Variants in ADAMTSL3 observed in about 807,000 individuals in gnomAD.
The protein encoded by ADAMTSL3 is ADAMTS-like protein 3.
Under a neutral mutation model 201.7 loss-of-function variants are expected in ADAMTSL3, and 128 were observed. The ratio of observed to expected loss-of-function variants is 0.63; its 90% confidence interval spans 0.55 to 0.73. ADAMTSL3 has a LOEUF of 0.73. ADAMTSL3 is among the 30% of genes least tolerant of loss of function. ADAMTSL3 has a pLI of 0.00. For synonymous variants in ADAMTSL3, 738 were observed against 748.4 expected (o/e 0.99, Z 0.23); for missense variants, 1,990 against 2,119.6 (o/e 0.94, Z 1.20).
intron 9 of ADAMTSL3, 96 bp downstream of exon 9, chr15:83,871,055 T>A: frequency 7.2e-7 from 1 of 1,385,400 alleles, no homozygotes; most frequent in Non-Finnish European, 9.9e-7. Context: ...TCATCAATCA[T>A]TGTTTTTTAT....
chr15:83,689,975 A>T (rs902152915), intron 2 of ADAMTSL3, among the ~76,000 whole-genome samples: 1 of 152,154 alleles, frequency 6.6e-6, no homozygotes, highest in Non-Finnish European at 1.5e-5. Context: ...TGGTTAAAGG[A>T]CTATTGAGAT....
chr15:83,974,851 T>A (rs953800940), intron 20 of ADAMTSL3, among the ~76,000 whole-genome samples: 1 of 152,086 alleles, frequency 6.6e-6, no homozygotes, highest in Non-Finnish European at 1.5e-5. Context: ...GAGATCAGGA[T>A]GGATTAGGGA....
chr15:83,704,384 TTC>T lies in ADAMTSL3; in HGVS notation c.70-4_70-3del. On this transcript the variant is annotated splice_polypyrimidine_tract_variant and splice_region_variant and intron_variant, in intron 2 of 29. Transcript: ENST00000286744. ...TATTTGTGACCAAATGATCTTGTTTTTCAGACCACAGCTGAGAAATCTCCTGG... is the reference window on the plus strand; with the variant it reads ...TATTTGTGACCAAATGATCTTGTTTTAGACCACAGCTGAGAAATCTCCTGG... 5.0e-6 allele frequency: 8 copies of T among 1,614,170 alleles called. No homozygotes were observed. The highest frequency in any genetic ancestry group is 6.8e-6 in the Non-Finnish European group (8 of 1,180,014).
At chr15:83,732,686 T>G (rs996253288) in intron 3 of ADAMTSL3, among the ~76,000 whole-genome samples, 7 of 152,178 alleles carry the variant, frequency 4.6e-5, no homozygotes. Flanking sequence ...ACCATTATTT[T>G]TATTCTGTTA....
At chr15:83,916,810 T>C (rs1337010057) in intron 16 of ADAMTSL3, among the ~76,000 whole-genome samples, 1 of 151,048 alleles carries the variant, frequency 6.6e-6, no homozygotes, top group East Asian at 1.9e-4. Context: ...GGCTGGAAAT[T>C]GGGTACCTGC....
At chr15:83,733,447 A>G (rs2062315478) in intron 3 of ADAMTSL3, among the ~76,000 whole-genome samples, 1 of 152,114 alleles carries the variant, frequency 6.6e-6, no homozygotes, top group African/African-American at 2.4e-5. Flanking sequence ...TGTGAGTCAC[A>G]GCTTCTCAAT....
intron 9 of ADAMTSL3, among the ~76,000 whole-genome samples, chr15:83,872,044 A>G (rs927606107): frequency 6.6e-6 from 1 of 152,226 alleles, no homozygotes; most frequent in African/African-American, 2.4e-5. Context: ...AATCCCTGAG[A>G]TACAAATTCA....
Position 83,982,467 on chromosome 15 carries a change from GAGA to G in ADAMTSL3, c.2842_2844del (p.Lys948del), listed in dbSNP as rs938965636. 6.2e-7 allele frequency: 1 copy of G among 1,614,056 alleles called. No homozygotes were observed. Among genetic ancestry groups the G allele is most frequent in the African/African-American group, 1.3e-5 (1 of 74,908 alleles). The stretch of plus-strand genomic sequence containing the variant: ...ATTCCAGAAATCTCTGATCCAGTGG[GAGA>G]AGGATGGCCGTTGCCTGCAGAACTC... On this transcript the variant is annotated inframe_deletion, in exon 21 of 30. Coordinates refer to ENST00000286744, the MANE Select transcript of ADAMTSL3 (RefSeq NM_207517.3).
At chr15:83,789,084 T>C (rs2063306564) in intron 4 of ADAMTSL3, among the ~76,000 whole-genome samples, 1 of 152,234 alleles carries the variant, frequency 6.6e-6, no homozygotes, top group African/African-American at 2.4e-5. Flanking sequence ...GTGTTGGGAT[T>C]ACAGGCATGA....
At chr15:83,868,617 A>C (rs1461589432) in intron 8 of ADAMTSL3, among the ~76,000 whole-genome samples, 1 of 152,188 alleles carries the variant, frequency 6.6e-6, no homozygotes, top group Non-Finnish European at 1.5e-5. Context: ...AATTGAGGTC[A>C]AAACACCTGC....
At chr15:83,809,712 G>A (rs1309080961) in intron 5 of ADAMTSL3, among the ~76,000 whole-genome samples, 1 of 152,172 alleles carries the variant, frequency 6.6e-6, no homozygotes, top group Non-Finnish European at 1.5e-5. Flanking sequence ...CTCATTGGTG[G>A]TATAGACCCA....
rs564444780 is a variant in ADAMTSL3, at chr15:83,840,859, G to C, written c.727+2644G>C. On this transcript the variant is annotated intron_variant, in intron 7 of 29. Transcript: ENST00000286744. ...TCTAACAAAAAGCCTGGAGTAGGCA[G>C]CTAAGGCTGGGGATGCTGTTTTACT... 4.6e-5 allele frequency among the ~76,000 whole-genome samples: 7 copies of C among 152,338 alleles called. No individual in the cohort carries two copies. In the South Asian group the frequency reaches 1.5e-3, roughly 32 times the overall value.
chr15:83,693,763 C>A (rs577420082), intron 2 of ADAMTSL3, among the ~76,000 whole-genome samples: 1 of 152,182 alleles, frequency 6.6e-6, no homozygotes, highest in Admixed American at 6.5e-5. Flanking sequence ...ATATGAGCTC[C>A]TTGGGAAAAG....
intron 2 of ADAMTSL3, among the ~76,000 whole-genome samples, chr15:83,694,070 T>C (rs1485492658): frequency 6.6e-6 from 1 of 152,220 alleles, no homozygotes; most frequent in African/African-American, 2.4e-5. Context: ...AGGATCAAAG[T>C]GCAGATTCCA....
At chr15:84,009,852 T>G (rs570751888) in intron 23 of ADAMTSL3, among the ~76,000 whole-genome samples, 71 of 152,352 alleles carry the variant, frequency 4.7e-4, no homozygotes, top group African/African-American at 1.7e-3. Flanking sequence ...CACAGCTTGT[T>G]TAGCCTGGCT....
intron 17 of ADAMTSL3, among the ~76,000 whole-genome samples, chr15:83,925,987 A>G (rs1422810878): frequency 6.6e-6 from 1 of 152,224 alleles, no homozygotes; most frequent in Non-Finnish European, 1.5e-5. Context: ...CATGTACTAT[A>G]TCATTTTGTA....
chr15:83,788,488 A>G (rs1249203638), intron 4 of ADAMTSL3, among the ~76,000 whole-genome samples: 2 of 152,138 alleles, frequency 1.3e-5, no homozygotes, highest in African/African-American at 4.8e-5. Context: ...TGATTTTTCC[A>G]TATATATAGT....
intron 4 of ADAMTSL3, among the ~76,000 whole-genome samples, chr15:83,787,284 A>G (rs2063280139): frequency 6.6e-6 from 1 of 152,178 alleles, no homozygotes; most frequent in African/African-American, 2.4e-5. Context: ...TTTAGGTGGC[A>G]TAGATGGTGT....
chr15:83,789,041 C>T (rs760237524), intron 4 of ADAMTSL3, among the ~76,000 whole-genome samples: 16 of 152,268 alleles, frequency 1.1e-4, no homozygotes, highest in Non-Finnish European at 8.8e-5. Flanking sequence ...AAACTCCTGA[C>T]CTCAGGTGAT....
Sources: allele counts gnomAD v4.1 joint callset (sites outside exome capture counted in the v4.1 genomes callset), GRCh38; gene constraint gnomAD v4.1.1; transcripts MANE v1.5; gene names NCBI Gene and HGNC (gene_info 2026-07-23, HGNC 2026-07-21).